DOCK5: variants seen among roughly 807,000 people sequenced by gnomAD.
DOCK5 encodes dedicator of cytokinesis 5.
DOCK5 carries 142 observed loss-of-function variants against 251.8 expected under a neutral mutation model. The observed-to-expected ratio is 0.56, with a 90% CI of 0.49 to 0.65. The LOEUF (loss-of-function observed/expected upper bound fraction) is 0.65, where lower values mean the gene tolerates loss of function less well. Among genes scored for constraint, DOCK5 ranks in the 30% least tolerant of loss-of-function variants. DOCK5 has a pLI of 0.00. For missense variants in DOCK5, 2,111 were observed against 2,312.3 expected (o/e 0.91, Z 1.79); for synonymous variants, 842 against 835.5 (o/e 1.01, Z -0.13).
chr8:25,322,155 C>G (rs1324146931), intron 16 of DOCK5, among the ~76,000 whole-genome samples: 1 of 152,246 alleles, frequency 6.6e-6, no homozygotes, highest in East Asian at 1.9e-4. Flanking sequence ...ATCTACACAA[C>G]AGGCTGCAGG....
intron 5 of DOCK5, among the ~76,000 whole-genome samples, chr8:25,288,105 C>G (rs986571246): frequency 6.6e-6 from 1 of 151,976 alleles, no homozygotes; most frequent in South Asian, 2.1e-4. Context: ...AGGCTGGTCT[C>G]GAACTCCTGA....
In DOCK5 at chr8:25,313,161, G is replaced by A. The variant is rs529744421; in HGVS notation, c.1318+2629G>A. 1.6e-4 allele frequency among the ~76,000 whole-genome samples: 25 copies of A among 152,214 alleles called. No homozygotes were observed. In the South Asian group the frequency reaches 1.7e-3, roughly 10 times the overall value. On this transcript the variant is annotated intron_variant, in intron 13 of 51. Transcript: ENST00000276440. ...TGTTGTCCCATCACCACGTGAACTC[G>A]TTCCAGTTGCCTCCTAAACTCTTCC...
chr8:25,231,182 A>G (rs1802660138), intron 1 of DOCK5, among the ~76,000 whole-genome samples: 1 of 152,054 alleles, frequency 6.6e-6, no homozygotes, highest in African/African-American at 2.4e-5. Flanking sequence ...TTTTTTCTAT[A>G]ATTTTTCAAT....
At chr8:25,235,272 G>A (rs558802339) in intron 1 of DOCK5, among the ~76,000 whole-genome samples, 139 of 152,096 alleles carry the variant, frequency 9.1e-4, no homozygotes, top group Admixed American at 2.4e-3. Context: ...TTGCTCTGTC[G>A]CCTACGTAGT....
At chr8:25,211,767 T>C (rs76120580) in intron 1 of DOCK5, among the ~76,000 whole-genome samples, 5,771 of 68,330 alleles carry the variant, frequency 0.084, 1,897 homozygotes, top group African/African-American at 0.18. Context: ...ACTATCATGC[T>C]GCTGCACTCC....
chr8:25,198,010 A>G (rs918038014), intron 1 of DOCK5, among the ~76,000 whole-genome samples: 1 of 152,086 alleles, frequency 6.6e-6, no homozygotes, highest in Non-Finnish European at 1.5e-5. Context: ...TCGGCCTCCC[A>G]AAGTGCTGGG....
intron 1 of DOCK5, among the ~76,000 whole-genome samples, chr8:25,186,073 G>T (rs1028793434): frequency 6.6e-6 from 1 of 152,128 alleles, no homozygotes. Context: ...GGTTAATGAA[G>T]TGCAGTCTCA....
intron 6 of DOCK5, among the ~76,000 whole-genome samples, chr8:25,294,731 T>A (rs1015709530): frequency 1.3e-5 from 2 of 152,080 alleles, no homozygotes; most frequent in Non-Finnish European, 2.9e-5. Context: ...AGAAAAGTGG[T>A]TTAATTGACT....
In DOCK5 at chr8:25,210,322, A is replaced by G. The variant is rs1257648372; in HGVS notation, c.43+25371A>G. Among the ~76,000 whole-genome samples, 3 of 67,106 alleles carry G rather than the reference A, an allele frequency of 4.5e-5. 1 individual carries two copies. The highest frequency in any genetic ancestry group is 1.0e-4 in the African/African-American group (3 of 29,318). 44.0% of individuals were successfully genotyped at this position (67,106 alleles called of 152,430 possible). Reference sequence around the variant, plus strand: ...AACAGACAGCAAATGCACAGTATGTATAGCATGATGTCAGTGATCAGGGCT... The same window carrying G: ...AACAGACAGCAAATGCACAGTATGTGTAGCATGATGTCAGTGATCAGGGCT... On this transcript the variant is annotated intron_variant, in intron 1 of 51. Transcript: ENST00000276440.
chr8:25,245,080 G>A (rs201237288), intron 2 of DOCK5, among the ~76,000 whole-genome samples: 2 of 152,120 alleles, frequency 1.3e-5, no homozygotes, highest in African/African-American at 2.4e-5. Flanking sequence ...TTTTTGAGAC[G>A]GAGTCTCGCT....
In DOCK5 at chr8:25,411,543, C is replaced by T; in HGVS notation, c.*245C>T. On this transcript the variant is annotated 3_prime_UTR_variant, in exon 52 of 52. Transcript: ENST00000276440. The stretch of plus-strand genomic sequence containing the variant: ...AATCAGTCACAGCCTCTGATTTTTT[C>T]CAAGAAGAGATTGCCTTCACCATTG... The T allele has an allele frequency of 4.7e-6, 2 of 422,642 alleles. No homozygotes were observed. Among genetic ancestry groups the T allele is most frequent in the Non-Finnish European group, 7.9e-6 (2 of 251,850 alleles). The allele number at this position is 422,642 out of a possible 1,614,324, so 26.2% of individuals were successfully genotyped here.
chr8:25,300,553 G>T, intron 8 of DOCK5, 23 bp from the exon 9 acceptor site: 1 of 1,490,746 alleles, frequency 6.7e-7, no homozygotes, highest in Non-Finnish European at 8.9e-7. Flanking sequence ...CTCATTAAGA[G>T]CAATTTTTTT....
chr8:25,253,022 C>T (rs1365863254), intron 2 of DOCK5, among the ~76,000 whole-genome samples: 1 of 152,138 alleles, frequency 6.6e-6, no homozygotes, highest in African/African-American at 2.4e-5. Context: ...CGTGGTTTTG[C>T]CATGTTGGCT....
chr8:25,351,653 A>C, intron 26 of DOCK5, 78 bp from the exon 27 acceptor site: 1 of 1,138,800 alleles, frequency 8.8e-7, no homozygotes, highest in Non-Finnish European at 1.3e-6. Flanking sequence ...CTAAAGACAA[A>C]ACTCATCTAT....
chr8:25,217,275 A>G (rs1802272973), intron 1 of DOCK5, among the ~76,000 whole-genome samples: 1 of 151,334 alleles, frequency 6.6e-6, no homozygotes, highest in Non-Finnish European at 1.5e-5. Flanking sequence ...ATATGCATAT[A>G]TATGCATATA....
At chr8:25,370,988 G>C (rs946058026) in intron 34 of DOCK5, among the ~76,000 whole-genome samples, 1 of 152,018 alleles carries the variant, frequency 6.6e-6, no homozygotes, top group African/African-American at 2.4e-5. Context: ...CCTTCATTCA[G>C]GTTGTAACTA....
Position 25,408,857 on chromosome 8 carries a change from T to C in DOCK5, c.5321T>C (p.Leu1774Pro). ...AGTCTCCAGTTGATGGATAATCGGC[T>C]ATCACCATTTCACGGTTCTTCACCT... ...PKSLQLMDNR[L>P]SPFHGSSPPQ... Residue 1774 changes from leucine to proline, a missense_variant, in exon 50 of 52, where the codon CTA (leucine) becomes CCA (proline). By Grantham distance (98) the Leu-to-Pro change is moderately conservative. This residue lies in a region of DOCK5 where 1,717 missense variants were observed against 1,892.4 expected (regional missense o/e 0.91). Transcript: ENST00000276440. The C allele has an allele frequency of 6.2e-7, 1 of 1,614,034 alleles. No individual in the cohort carries two copies. Among genetic ancestry groups the C allele is most frequent in the Non-Finnish European group, 8.5e-7 (1 of 1,179,898 alleles).
At chr8:25,193,815 A>G (rs984526904) in intron 1 of DOCK5, among the ~76,000 whole-genome samples, 1 of 152,090 alleles carries the variant, frequency 6.6e-6, no homozygotes, top group Non-Finnish European at 1.5e-5. Context: ...GACCCTGAAA[A>G]AGACACTTGT....
intron 2 of DOCK5, among the ~76,000 whole-genome samples, chr8:25,249,482 A>G (rs1188117627): frequency 6.6e-6 from 1 of 152,210 alleles, no homozygotes; most frequent in Non-Finnish European, 1.5e-5. Context: ...CTCTGTACCC[A>G]TCGGTAGTCA....
Sources: gnomAD v4.1 joint callset for allele counts (sites outside exome capture counted in the v4.1 genomes callset) on GRCh38, gnomAD v4.1.1 for gene constraint, gnomAD v4.1.1 regional missense constraint, MANE v1.5 for transcripts, NCBI Gene and HGNC (gene_info 2026-07-23, HGNC 2026-07-21) for gene names.